Variants in AP2B1 observed in about 807,000 individuals in gnomAD.
AP2B1 encodes adaptor related protein complex 2 subunit beta 1.
In AP2B1, 23 loss-of-function variants were observed where a neutral mutation model predicts 102.0. The ratio of observed to expected loss-of-function variants is 0.23; its 90% CI spans 0.16 to 0.32. AP2B1 has a LOEUF of 0.32. Ranked by LOEUF, AP2B1 falls within the 10% of genes least tolerant of loss-of-function variation. The pLI, the probability that AP2B1 is intolerant of heterozygous loss-of-function variation, is 1.00. For missense variants in AP2B1, 541 were observed against 1,157.4 expected, an observed-to-expected ratio of 0.47 and a Z score of 7.73; for synonymous variants, 381 against 421.2, an observed-to-expected ratio of 0.90 and a Z score of 1.17.
intron 12 of AP2B1, among the ~76,000 whole-genome samples, chr17:35,643,166 A>G (rs1425611143): frequency 1.3e-5 from 2 of 151,502 alleles, no homozygotes; most frequent in Non-Finnish European, 2.9e-5. Context: ...TACACTCACA[A>G]TAGCTGATGA....
In AP2B1 at chr17:35,724,923, A is replaced by C. The variant is rs150384862; in HGVS notation, c.*1224A>C. On this transcript the variant is annotated 3_prime_UTR_variant, in exon 22 of 22. Transcript: ENST00000610402. ...ACTCGAAGGTAAAGCCAGATGCCAG[A>C]ATGAAGGTGTAGCCAGTGTTTCCCA... is the stretch of plus-strand genomic sequence containing the variant. 3.6e-4 allele frequency: 55 copies of C among 152,370 alleles called. No individual in the cohort carries two copies. The highest frequency in any genetic ancestry group is 1.3e-3 in the African/African-American group (52 of 41,596). The allele number at this position is 152,370 out of a possible 1,614,324, so 9.4% of individuals were successfully genotyped here. A position where few individuals can be genotyped will look rare whatever the true frequency, so the allele number is the denominator to read the frequency against.
At chr17:35,601,870 C>T (rs920733088) in intron 3 of AP2B1, among the ~76,000 whole-genome samples, 3 of 151,640 alleles carry the variant, frequency 2.0e-5, no homozygotes, top group Non-Finnish European at 2.9e-5. Flanking sequence ...CCCCGACTCC[C>T]GGGTTCAAGT....
intron 19 of AP2B1, among the ~76,000 whole-genome samples, chr17:35,709,552 A>G (rs2076407136): frequency 6.6e-6 from 1 of 152,212 alleles, no homozygotes; most frequent in Non-Finnish European, 1.5e-5. Flanking sequence ...AGGATACAGA[A>G]TAAGAGGTTT....
chr17:35,595,725 T>G (rs76897766), intron 2 of AP2B1, among the ~76,000 whole-genome samples: 2,753 of 152,222 alleles, frequency 0.018, 46 homozygotes, highest in Non-Finnish European at 0.026. Context: ...AGTACCCCTC[T>G]TTGGTCCTGC....
chr17:35,684,819 T>G (rs1240151933), intron 18 of AP2B1, among the ~76,000 whole-genome samples: 1 of 152,102 alleles, frequency 6.6e-6, no homozygotes, highest in African/African-American at 2.4e-5. Flanking sequence ...GCAAGAATGC[T>G]TTACCTCATA....
chr17:35,648,442 A>G (rs1301138171), intron 12 of AP2B1, among the ~76,000 whole-genome samples: 2 of 152,046 alleles, frequency 1.3e-5, no homozygotes, highest in Admixed American at 6.6e-5. Context: ...CTTGAACCCG[A>G]GAGGCAGAGG....
At chr17:35,668,758 A>AT (rs2075525028) in intron 14 of AP2B1, among the ~76,000 whole-genome samples, 1 of 151,572 alleles carries the variant, frequency 6.6e-6, no homozygotes. Flanking sequence ...GCCTTCCCCC[A>AT]TTTTTGCTTT....
At chr17:35,664,336 C>T (rs970541005) in intron 14 of AP2B1, among the ~76,000 whole-genome samples, 1 of 152,168 alleles carries the variant, frequency 6.6e-6, no homozygotes, top group Non-Finnish European at 1.5e-5. Context: ...TCACTGCAGC[C>T]TCAAACTCCT....
In AP2B1 at chr17:35,615,296, A is replaced by G. The variant is rs547160175; in HGVS notation, c.525+6909A>G. Among the ~76,000 whole-genome samples the G allele has an allele frequency of 6.6e-5, 10 of 152,332 alleles. No individual in the cohort carries two copies. In the South Asian group the frequency reaches 1.0e-3, roughly 16 times the overall value. On this transcript the variant is annotated intron_variant, in intron 5 of 21. Transcript: ENST00000610402. Reference sequence around the variant, plus strand: ...CCGATTTTAGTGAATTATTTTGAAGATGAAAGAATAATGTATTTAAAATTT... The same window carrying G: ...CCGATTTTAGTGAATTATTTTGAAGGTGAAAGAATAATGTATTTAAAATTT...
In AP2B1 at chr17:35,674,262, C is replaced by A; in HGVS notation, c.2265C>A (p.Asn755Lys). The A allele has an allele frequency of 6.2e-7, 1 of 1,614,150 alleles. No individual in the cohort carries two copies. The highest frequency in any genetic ancestry group is 8.5e-7 in the Non-Finnish European group (1 of 1,180,034). Residue 755 changes from asparagine to lysine, a missense_variant, in exon 17 of 22, where the codon AAC becomes AAA. Coordinates refer to ENST00000610402, the MANE Select transcript of AP2B1 (RefSeq NM_001030006.2). Reference sequence around the variant, plus strand: ...AAGGGCACATCTATATGGAAATGAACTTCACCAATAAAGCTCTGCAGCACA... The same window carrying A: ...AAGGGCACATCTATATGGAAATGAAATTCACCAATAAAGCTCTGCAGCACA... ...HRQGHIYMEM[N>K]FTNKALQHMT...
At chr17:35,702,045 G>A (rs1457471115) in intron 18 of AP2B1, among the ~76,000 whole-genome samples, 1 of 152,186 alleles carries the variant, frequency 6.6e-6, no homozygotes, top group Non-Finnish European at 1.5e-5. Flanking sequence ...TCTAGAAACT[G>A]AGAATATTGT....
chr17:35,623,207 C>T (rs1211780114), intron 5 of AP2B1, among the ~76,000 whole-genome samples: 1 of 150,774 alleles, frequency 6.6e-6, no homozygotes, highest in Non-Finnish European at 1.5e-5. Flanking sequence ...GACTTTTCTT[C>T]CTGCAGCTAA....
intron 5 of AP2B1, among the ~76,000 whole-genome samples, chr17:35,610,743 T>C (rs763138205): frequency 1.3e-5 from 2 of 151,494 alleles, no homozygotes; most frequent in Non-Finnish European, 1.5e-5. Context: ...CCGTCTCTAC[T>C]AAAAATACAA....
At chr17:35,619,005 A>G (rs1419842391) in intron 5 of AP2B1, among the ~76,000 whole-genome samples, 1 of 152,190 alleles carries the variant, frequency 6.6e-6, no homozygotes, top group Non-Finnish European at 1.5e-5. Context: ...CCCTACTCTG[A>G]ATCTTCTTTC....
intron 5 of AP2B1, among the ~76,000 whole-genome samples, chr17:35,610,023 G>A (rs923473091): frequency 1.6e-4 from 24 of 152,260 alleles, no homozygotes; most frequent in Non-Finnish European, 2.8e-4. Flanking sequence ...GGTGGGCGTC[G>A]GTGTGGGTGT....
intron 9 of AP2B1, among the ~76,000 whole-genome samples, chr17:35,632,563 T>C (rs564072047): frequency 3.9e-5 from 6 of 152,336 alleles, no homozygotes; most frequent in African/African-American, 1.2e-4. Flanking sequence ...GTCTTTATCA[T>C]ATACTGAATT....
intron 1 of AP2B1, chr17:35,587,848 G>C (rs1005559279): frequency 1.2e-4 from 18 of 152,268 alleles, no homozygotes; most frequent in Middle Eastern, 3.4e-3. Context: ...TTCCCTCAAA[G>C]GTTTGCTCAT....
At chr17:35,610,689 C>T (rs763242535) in intron 5 of AP2B1, among the ~76,000 whole-genome samples, 8 of 151,882 alleles carry the variant, frequency 5.3e-5, no homozygotes, top group Admixed American at 6.6e-5. Flanking sequence ...GGGTGGATCA[C>T]GAAGTCAGGA....
chr17:35,684,238 A>G (rs1249918802), intron 18 of AP2B1, among the ~76,000 whole-genome samples: 1 of 152,218 alleles, frequency 6.6e-6, no homozygotes, highest in African/African-American at 2.4e-5. Flanking sequence ...GACATTGCAA[A>G]GAGGAGGACT....
Sources: gnomAD v4.1 joint callset for allele counts (sites outside exome capture counted in the v4.1 genomes callset) on GRCh38, gnomAD v4.1.1 for gene constraint, MANE v1.5 for transcripts, NCBI Gene and HGNC (gene_info 2026-07-23, HGNC 2026-07-21) for gene names.